Variants in FSIP1 observed in about 807,000 individuals in gnomAD.
The protein encoded by FSIP1 is fibrous sheath-interacting protein 1.
Under a neutral mutation model 60.9 loss-of-function variants are expected in FSIP1, and 65 were observed. The ratio of observed to expected loss-of-function variants is 1.07; its 90% CI spans 0.87 to 1.31. The LOEUF is 1.31. Ranked by LOEUF, FSIP1 falls within the 40% of genes most tolerant of loss-of-function variation. FSIP1 has a pLI of 0.00. For synonymous variants in FSIP1, 209 were observed against 221.2 expected, an observed-to-expected ratio of 0.94 and a Z score of 0.49; for missense variants, 675 against 665.5, an observed-to-expected ratio of 1.01 and a Z score of -0.16.
intron 10 of FSIP1, among the ~76,000 whole-genome samples, chr15:39,663,254 T>C (rs1893369770): frequency 6.6e-6 from 1 of 152,220 alleles, no homozygotes; most frequent in African/African-American, 2.4e-5. Flanking sequence ...GACACTTGTG[T>C]ATATGTTTTC....
At chr15:39,771,057 T>C (rs1897869475) in intron 2 of FSIP1, among the ~76,000 whole-genome samples, 2 of 152,238 alleles carry the variant, frequency 1.3e-5, no homozygotes, top group Admixed American at 1.3e-4. Flanking sequence ...TGTGCTTTGG[T>C]CATTTATTTA....
At chr15:39,714,817 T>TA (rs557845682) in intron 9 of FSIP1, among the ~76,000 whole-genome samples, 2,026 of 147,638 alleles carry the variant, frequency 0.014, 26 homozygotes, top group African/African-American at 0.047. Context: ...AAATAAAAAA[T>TA]AAAAAAATAA....
chr15:39,649,316 A>C (rs1242258759), intron 10 of FSIP1, among the ~76,000 whole-genome samples: 1 of 152,212 alleles, frequency 6.6e-6, no homozygotes, highest in Admixed American at 6.5e-5. Context: ...CCTAAATTTC[A>C]CATCCTGCAA....
intron 1 of FSIP1, among the ~76,000 whole-genome samples, chr15:39,779,186 G>A (rs1396157912): frequency 6.6e-6 from 1 of 151,888 alleles, no homozygotes; most frequent in Non-Finnish European, 1.5e-5. Context: ...TAGAAAACTG[G>A]GTAAAGATTT....
In FSIP1 at chr15:39,618,125, C is replaced by T. The variant is rs765219996; in HGVS notation, c.1309G>A (p.Val437Ile). 24 of 1,614,172 alleles carry T rather than the reference C, an allele frequency of 1.5e-5. No individual in the cohort carries two copies. The East Asian group carries it at 3.1e-4, about 21-fold the overall frequency. Residue 437 changes from valine to isoleucine, a missense_variant, in exon 11 of 12, where the codon GTA becomes ATA. By Grantham distance (29) the Val-to-Ile change is conservative. Transcript: ENST00000350221. ...GAAAGCTGGGGGAACACAGGTGTTA[C>T]GTCCTCAATGTCTTCCTTTTTTCTT... Reference protein sequence around the residue: ...SERKKEDIEDVTPVFPQLSRS... With the variant: ...SERKKEDIEDITPVFPQLSRS...
intron 5 of FSIP1, among the ~76,000 whole-genome samples, chr15:39,752,883 A>T (rs1283801487): frequency 6.6e-6 from 1 of 152,100 alleles, no homozygotes; most frequent in Non-Finnish European, 1.5e-5. Context: ...AAATCTCTGT[A>T]CCATATTCAT....
chr15:39,668,228 G>A (rs1037631703), intron 10 of FSIP1, among the ~76,000 whole-genome samples: 11 of 146,978 alleles, frequency 7.5e-5, no homozygotes, highest in East Asian at 2.0e-4. Flanking sequence ...AACCTGGCCC[G>A]TAATAAGCAT....
At position 39,618,064 on chromosome 15, in the gene FSIP1, T is replaced by C. The variant is rs1237184252; in HGVS notation, c.1370A>G (p.Glu457Gly). 1 of 1,614,214 alleles carries C rather than the reference T, an allele frequency of 6.2e-7. No individual in the cohort carries two copies. Among genetic ancestry groups the C allele is most frequent in the South Asian group, 1.1e-5 (1 of 91,086 alleles). The part of the protein sequence containing the change: ...SIISKLLNES[E>G]TKVQKTEVED... ...TACCTCAGTTTTCTGGACCTTTGTT[T>C]CTGATTCATTTAGCAATTTAGAGAT... Residue 457 changes from glutamate (E) to glycine (G), a missense_variant, in exon 11 of 12, where the codon GAA becomes GGA. Glu to Gly is a moderately conservative substitution (Grantham distance 98). Coordinates refer to ENST00000350221, the MANE Select transcript of FSIP1 (RefSeq NM_152597.5).
At chr15:39,662,534 C>T (rs1304486593) in intron 10 of FSIP1, among the ~76,000 whole-genome samples, 1 of 152,026 alleles carries the variant, frequency 6.6e-6, no homozygotes, top group East Asian at 1.9e-4. Context: ...AATTAATTTG[C>T]ACAATGTTGC....
intron 11 of FSIP1, among the ~76,000 whole-genome samples, chr15:39,611,866 C>G (rs1305584503): frequency 6.6e-6 from 1 of 152,068 alleles, no homozygotes; most frequent in East Asian, 1.9e-4. Context: ...CAGGGGTTAG[C>G]TATACTTATA....
chr15:39,667,047 G>T (rs73393289), intron 10 of FSIP1, among the ~76,000 whole-genome samples: 3,116 of 152,226 alleles, frequency 0.02, 112 homozygotes, highest in African/African-American at 0.071. Flanking sequence ...TGGGCGCTGT[G>T]AAAAGATGGC....
At chr15:39,684,242 CAT>C (rs952394860) in intron 10 of FSIP1, among the ~76,000 whole-genome samples, 58 of 152,102 alleles carry the variant, frequency 3.8e-4, no homozygotes, top group African/African-American at 1.2e-3. Flanking sequence ...GGAACAGACA[CAT>C]GTGTGTCTGA....
At chr15:39,611,875 T>C (rs1356249454) in intron 11 of FSIP1, among the ~76,000 whole-genome samples, 1 of 152,198 alleles carries the variant, frequency 6.6e-6, no homozygotes, top group African/African-American at 2.4e-5. Context: ...GCTATACTTA[T>C]ATCAGACAAA....
intron 10 of FSIP1, among the ~76,000 whole-genome samples, chr15:39,656,955 C>T (rs1264253486): frequency 6.6e-6 from 1 of 152,194 alleles, no homozygotes; most frequent in Non-Finnish European, 1.5e-5. Context: ...AAACTGAGCC[C>T]AGGCCTTGTG....
At chr15:39,773,381 C>T (rs1897951303) in intron 2 of FSIP1, among the ~76,000 whole-genome samples, 1 of 152,184 alleles carries the variant, frequency 6.6e-6, no homozygotes, top group Non-Finnish European at 1.5e-5. Flanking sequence ...GAAAACTTTG[C>T]TTTCAATATA....
At chr15:39,743,118 T>C (rs978058935) in intron 5 of FSIP1, among the ~76,000 whole-genome samples, 7 of 152,206 alleles carry the variant, frequency 4.6e-5, no homozygotes, top group African/African-American at 1.7e-4. Flanking sequence ...TTCTATCCCA[T>C]AATTCCTTTA....
At chr15:39,599,362 C>T (rs554693587), downstream of FSIP1, 267 of 152,130 alleles carry the variant, frequency 1.8e-3, 1 homozygote, top group African/African-American at 6.1e-3. Context: ...TATTTTCTTC[C>T]CCCTTACCTA....
chr15:39,618,250 T>C lies in FSIP1; in HGVS notation c.1189-5A>G. On this transcript the variant is annotated splice_polypyrimidine_tract_variant and splice_region_variant and intron_variant, in intron 10 of 11. Transcript: ENST00000350221. Reference sequence around the variant, plus strand: ...GAGACATGATGTGGACTCTAACTGATGAAACAAACCAAAAGATTACATAGT... The same window carrying C: ...GAGACATGATGTGGACTCTAACTGACGAAACAAACCAAAAGATTACATAGT... The C allele has an allele frequency of 1.3e-6, 2 of 1,587,816 alleles. No individual in the cohort carries two copies. The highest frequency in any genetic ancestry group is 1.7e-6 in the Non-Finnish European group (2 of 1,163,794).
intron 5 of FSIP1, among the ~76,000 whole-genome samples, chr15:39,761,149 G>A (rs967950503): frequency 1.3e-5 from 2 of 152,120 alleles, no homozygotes; most frequent in Non-Finnish European, 2.9e-5. Context: ...CAGCCATTAT[G>A]GAAAAGTGTA....
Sources: gnomAD v4.1 joint callset for allele counts (sites outside exome capture counted in the v4.1 genomes callset) on GRCh38, gnomAD v4.1.1 for gene constraint, MANE v1.5 for transcripts, NCBI Gene and HGNC (gene_info 2026-07-23, HGNC 2026-07-21) for gene names.